RBFOX1: variants seen among roughly 807,000 people sequenced by gnomAD.
RBFOX1 encodes RNA binding protein fox-1 homolog 1.
A neutral mutation model predicts 57.7 loss-of-function variants in RBFOX1; 8 were observed. The observed-to-expected ratio is 0.14, with a 90% CI of 0.08 to 0.25. RBFOX1 has a LOEUF of 0.25. Among genes scored for constraint, RBFOX1 ranks in the 10% least tolerant of loss-of-function variants. The pLI is 1.00. For missense variants in RBFOX1, 611 were observed against 548.5 expected (o/e 1.11, Z -1.14); for synonymous variants, 326 against 222.4 (o/e 1.47, Z -4.15).
intron 10 of RBFOX1, among the ~76,000 whole-genome samples, chr16:7,618,503 T>G (rs923753185): frequency 6.6e-6 from 1 of 152,180 alleles, no homozygotes; most frequent in African/African-American, 2.4e-5. Context: ...GAAAGTAAAT[T>G]ACCAGCGATT....
At chr16:6,139,944 T>A (rs1195664641) in intron 1 of RBFOX1, among the ~76,000 whole-genome samples, 2 of 152,174 alleles carry the variant, frequency 1.3e-5, no homozygotes, top group Non-Finnish European at 2.9e-5. Context: ...TCAAAGATGG[T>A]CTTGATGAGA....
At chr16:6,539,440 C>T (rs998751894) in intron 2 of RBFOX1, among the ~76,000 whole-genome samples, 4 of 152,156 alleles carry the variant, frequency 2.6e-5, no homozygotes, top group African/African-American at 9.7e-5. Flanking sequence ...ATCATGGTTA[C>T]TTCTGTCCTA....
chr16:7,010,691 G>A (rs2093613394), intron 3 of RBFOX1, among the ~76,000 whole-genome samples: 1 of 152,122 alleles, frequency 6.6e-6, no homozygotes, highest in African/African-American at 2.4e-5. Context: ...AGCCTACCAA[G>A]TAGCTGGGAT....
At chr16:6,271,302 T>G (rs907721965) in intron 1 of RBFOX1, among the ~76,000 whole-genome samples, 6 of 152,094 alleles carry the variant, frequency 3.9e-5, no homozygotes, top group African/African-American at 1.4e-4. Context: ...CACATGTGTG[T>G]AGTCCCAGCT....
rs114466557 is a variant in RBFOX1 at position 6,910,841 on chromosome 16, C to T, written c.-15-141216C>T. 5.8e-3 allele frequency among the ~76,000 whole-genome samples: 877 copies of T among 152,234 alleles called. 10 individuals are homozygous for T. The highest frequency in any genetic ancestry group is 0.02 in the African/African-American group (828 of 41,524). ...TGACTGGTATATCTAAGCTTATATCCAGAAGAATGCCTCCATTTCATGCTG... is the reference window on the plus strand; with the variant it reads ...TGACTGGTATATCTAAGCTTATATCTAGAAGAATGCCTCCATTTCATGCTG... On this transcript the variant is annotated intron_variant, in intron 3 of 15. Coordinates refer to ENST00000550418, the MANE Select transcript of RBFOX1 (RefSeq NM_018723.4).
At chr16:6,446,765 T>C (rs903599166) in intron 2 of RBFOX1, among the ~76,000 whole-genome samples, 21 of 152,198 alleles carry the variant, frequency 1.4e-4, no homozygotes, top group African/African-American at 5.1e-4. Context: ...ATTTATTTAG[T>C]GTCTGCATTA....
At chr16:7,522,710 C>T (rs1051584038) in intron 5 of RBFOX1, among the ~76,000 whole-genome samples, 2 of 151,918 alleles carry the variant, frequency 1.3e-5, no homozygotes, top group African/African-American at 2.4e-5. Context: ...AGACAGGAAG[C>T]AAGAGATAGG....
intron 2 of RBFOX1, among the ~76,000 whole-genome samples, chr16:6,551,831 C>G (rs1435773555): frequency 1.3e-5 from 2 of 152,218 alleles, no homozygotes; most frequent in African/African-American, 4.8e-5. Flanking sequence ...ATCTCACATT[C>G]TGCCAAGGTG....
intron 4 of RBFOX1, among the ~76,000 whole-genome samples, chr16:7,078,132 C>G (rs2058592605): frequency 6.6e-6 from 1 of 152,170 alleles, no homozygotes; most frequent in Admixed American, 6.5e-5. Flanking sequence ...CTCCACTGTT[C>G]ATTCTTTCTC....
At chr16:6,013,868 AAAC>A (rs1406297073) in intron 4 of RBFOX1, among the ~76,000 whole-genome samples, 1 of 151,832 alleles carries the variant, frequency 6.6e-6, no homozygotes, top group Non-Finnish European at 1.5e-5. Flanking sequence ...AAGGAAAAAA[AAAC>A]AAACACCGCA....
chr16:6,948,787 C>T (rs139339045), intron 3 of RBFOX1, among the ~76,000 whole-genome samples: 1 of 152,232 alleles, frequency 6.6e-6, no homozygotes, highest in East Asian at 1.9e-4. Context: ...GAAGAGGAAG[C>T]GTCTTTTCTG....
At chr16:6,968,966 A>T (rs1195097506) in intron 3 of RBFOX1, among the ~76,000 whole-genome samples, 2 of 151,986 alleles carry the variant, frequency 1.3e-5, no homozygotes, top group Non-Finnish European at 2.9e-5. Flanking sequence ...GGTGCTCAGG[A>T]TGTGTACTTT....
At chr16:5,279,215 A>T (rs2063212981) in intron 1 of RBFOX1, among the ~76,000 whole-genome samples, 1 of 152,300 alleles carries the variant, frequency 6.6e-6, no homozygotes, top group East Asian at 1.9e-4. Context: ...ACCCACGAGC[A>T]TGAGATGCTT....
intron 3 of RBFOX1, among the ~76,000 whole-genome samples, chr16:6,693,156 G>A (rs1003433328): frequency 3.3e-4 from 33 of 100,388 alleles, no homozygotes; most frequent in African/African-American, 1.1e-3. Context: ...TCCTCCACTA[G>A]CATCACCACC....
chr16:6,221,846 A>C (rs1348334850), intron 1 of RBFOX1, among the ~76,000 whole-genome samples: 1 of 152,206 alleles, frequency 6.6e-6, no homozygotes, highest in African/African-American at 2.4e-5. Context: ...TGCCCCCATG[A>C]TCCAGTTTTC....
chr16:6,898,923 ATATGTGTG>A (rs947193505), intron 3 of RBFOX1, among the ~76,000 whole-genome samples: 6 of 150,862 alleles, frequency 4.0e-5, no homozygotes, highest in Non-Finnish European at 5.9e-5. Flanking sequence ...GCATATGTGT[ATATGTGTG>A]TATGTGTGTA....
intron 2 of RBFOX1, among the ~76,000 whole-genome samples, chr16:5,581,655 A>G (rs1267359913): frequency 6.6e-6 from 1 of 152,212 alleles, no homozygotes; most frequent in Non-Finnish European, 1.5e-5. Flanking sequence ...AAGGATGTGT[A>G]GGAGTTAAGT....
At chr16:7,690,718 T>G (rs1041991960) in intron 14 of RBFOX1, among the ~76,000 whole-genome samples, 25 of 152,156 alleles carry the variant, frequency 1.6e-4, no homozygotes, top group African/African-American at 5.1e-4. Flanking sequence ...ATTCGTCTCT[T>G]TGATCATATG....
intron 2 of RBFOX1, among the ~76,000 whole-genome samples, chr16:5,494,537 TGAGGGAGGTCTTGGAGCAA>T (rs1214849520): frequency 1.3e-5 from 2 of 152,136 alleles, no homozygotes; most frequent in Non-Finnish European, 2.9e-5. Context: ...GGTCCAAGGA[TGAGGGAGGTCTTGGAGCAA>T]GAGGGAGGTC....
Sources: allele counts gnomAD v4.1 joint callset (sites outside exome capture counted in the v4.1 genomes callset), GRCh38; gene constraint gnomAD v4.1.1; transcripts MANE v1.5; gene names NCBI Gene and HGNC (gene_info 2026-07-23, HGNC 2026-07-21).